Variants in MGST1 observed in about 807,000 individuals in gnomAD.
The protein encoded by MGST1 is microsomal glutathione S-transferase 1, also known as glutathione S-transferase 12.
A neutral mutation model predicts 8.9 loss-of-function variants in MGST1; 5 were observed. The ratio of observed to expected loss-of-function variants is 0.56; its 90% CI spans 0.29 to 1.19. The LOEUF (loss-of-function observed/expected upper bound fraction) is 1.19. Ranked by LOEUF, MGST1 falls within the 50% of genes most tolerant of loss-of-function variation. MGST1 has a pLI of 0.08. For synonymous variants in MGST1, 54 were observed against 67.8 expected (o/e 0.80, Z 1.00); for missense variants, 182 against 187.4 (o/e 0.97, Z 0.17).
chr12:16,459,521 C>A (rs565750529), intron 4 of MGST1, among the ~76,000 whole-genome samples: 1 of 152,074 alleles, frequency 6.6e-6, no homozygotes, highest in Admixed American at 6.6e-5. Flanking sequence ...ATGGATCCTG[C>A]AGCCCTTTAT....
At chr12:16,380,134 T>C (rs1045574846), downstream of MGST1, among the ~76,000 whole-genome samples, 9 of 152,218 alleles carry the variant, frequency 5.9e-5, no homozygotes, top group African/African-American at 2.2e-4. Flanking sequence ...TTTGTGTCTC[T>C]ATTTCCTTCA....
chr12:16,553,350 T>C (rs1216983162), intron 4 of MGST1, among the ~76,000 whole-genome samples: 2 of 152,122 alleles, frequency 1.3e-5, no homozygotes, highest in African/African-American at 2.4e-5. Context: ...ACAAGAATAA[T>C]GTGAAGATTA....
chr12:16,504,033 C>T (rs2137171175), intron 4 of MGST1, among the ~76,000 whole-genome samples: 1 of 152,264 alleles, frequency 6.6e-6, no homozygotes, highest in Admixed American at 6.5e-5. Context: ...CTGGGAGAAA[C>T]CAAAAGCCCT....
intron 4 of MGST1, among the ~76,000 whole-genome samples, chr12:16,574,158 G>C (rs180904585): frequency 2.0e-5 from 3 of 152,040 alleles, no homozygotes; most frequent in Non-Finnish European, 2.9e-5. Flanking sequence ...CCAAGACCCA[G>C]AGTAAGTTAG....
intron 4 of MGST1, among the ~76,000 whole-genome samples, chr12:16,450,418 A>T (rs1941119508): frequency 6.6e-6 from 1 of 151,950 alleles, no homozygotes; most frequent in African/African-American, 2.4e-5. Context: ...TTCCTTGGGA[A>T]AATGAGCCAC....
intron 4 of MGST1, among the ~76,000 whole-genome samples, chr12:16,528,015 G>A (rs1274230487): frequency 6.6e-6 from 1 of 152,028 alleles, no homozygotes; most frequent in African/African-American, 2.4e-5. Flanking sequence ...TTTAAATCCA[G>A]ATCTGTTGAT....
chr12:16,402,249 C>T, intron 1 of MGST1: 7 of 1,588,410 alleles, frequency 4.4e-6, no homozygotes, highest in South Asian at 3.3e-5. Flanking sequence ...TAGTTCATAA[C>T]CAAAGAGCCA....
intron 4 of MGST1, among the ~76,000 whole-genome samples, chr12:16,574,158 G>A (rs180904585): frequency 7.0e-4 from 107 of 152,158 alleles, no homozygotes; most frequent in Non-Finnish European, 1.3e-3. Flanking sequence ...CCAAGACCCA[G>A]AGTAAGTTAG....
intron 1 of MGST1, among the ~76,000 whole-genome samples, chr12:16,414,727 T>C (rs953534785): frequency 6.6e-6 from 1 of 152,136 alleles, no homozygotes; most frequent in Non-Finnish European, 1.5e-5. Flanking sequence ...GGTGGTTATT[T>C]TAAAAATATT....
At chr12:16,487,835 T>A (rs1252324882) in intron 4 of MGST1, among the ~76,000 whole-genome samples, 1 of 152,174 alleles carries the variant, frequency 6.6e-6, no homozygotes, top group Non-Finnish European at 1.5e-5. Context: ...TCTTTTGTTT[T>A]GCAGAGATGG....
At chr12:16,524,199 C>A (rs2137193191) in intron 4 of MGST1, among the ~76,000 whole-genome samples, 1 of 152,060 alleles carries the variant, frequency 6.6e-6, no homozygotes, top group East Asian at 1.9e-4. Context: ...CTTTCTGTGC[C>A]ACAGAATATA....
intron 4 of MGST1, among the ~76,000 whole-genome samples, chr12:16,491,014 A>G (rs1193148474): frequency 6.6e-6 from 1 of 152,118 alleles, no homozygotes; most frequent in East Asian, 1.9e-4. Context: ...CTTACTCTTT[A>G]CTCATTGGGC....
chr12:16,535,228 T>C (rs1228124623), intron 4 of MGST1, among the ~76,000 whole-genome samples: 1 of 152,174 alleles, frequency 6.6e-6, no homozygotes, highest in East Asian at 1.9e-4. Context: ...CACCCTAGGG[T>C]GGGATCCAAA....
chr12:16,483,290 G>A (rs940607114), intron 4 of MGST1, among the ~76,000 whole-genome samples: 1 of 151,860 alleles, frequency 6.6e-6, no homozygotes, highest in Admixed American at 6.6e-5. Flanking sequence ...ATCCTGATGT[G>A]CCCTTAATAA....
chr12:16,425,830 C>A lies in MGST1; in HGVS notation n.779-11558C>A, dbSNP rs184281641. Among the ~76,000 whole-genome samples the A allele has an allele frequency of 7.9e-5, 12 of 152,318 alleles. No individual in the cohort carries two copies. The East Asian group carries it at 1.7e-3, about 22-fold the overall frequency. On this transcript the variant is annotated intron_variant and non_coding_transcript_variant, in intron 1 of 1. Transcript: ENST00000359720. ...TTTCCCCAAGCCCTTTCTCAATACC[C>A]CATTTTCTATTCACACAAGTGTGAA...
intron 4 of MGST1, among the ~76,000 whole-genome samples, chr12:16,562,225 A>C (rs1159148585): frequency 6.6e-6 from 1 of 152,142 alleles, no homozygotes; most frequent in Non-Finnish European, 1.5e-5. Flanking sequence ...TTTATTTTTC[A>C]GTGTACTTAA....
At position 16,560,486 on chromosome 12, in the gene MGST1, A is replaced by C. The variant is rs1264025250; in HGVS notation, n.483-29042A>C. The stretch of plus-strand genomic sequence containing the variant: ...TCCTTGGCACGCATCACCATCTCAA[A>C]GGCAGGGATGAGCTTACTACAGGCA... On this transcript the variant is annotated intron_variant and non_coding_transcript_variant, in intron 4 of 4. Coordinates refer to the MGST1 transcript ENST00000538857. The surrounding 1 kb of genome is among the most constrained non-coding windows in gnomAD (Gnocchi z 5.0). 6.2e-7 allele frequency: 1 copy of C among 1,613,992 alleles called. No homozygotes were observed.
At chr12:16,397,021 C>G (rs983192766) in intron 1 of MGST1, among the ~76,000 whole-genome samples, 7 of 152,114 alleles carry the variant, frequency 4.6e-5, no homozygotes, top group African/African-American at 1.7e-4. Flanking sequence ...TACCTGATTT[C>G]AAACTATACT....
chr12:16,436,398 G>T (rs187735815), intron 1 of MGST1, among the ~76,000 whole-genome samples: 1 of 151,808 alleles, frequency 6.6e-6, no homozygotes, highest in Admixed American at 6.6e-5. Flanking sequence ...GGTGAAACAA[G>T]GTGTTCTTGC....
Sources: allele counts gnomAD v4.1 joint callset (sites outside exome capture counted in the v4.1 genomes callset), GRCh38; gene constraint gnomAD v4.1.1; non-coding constraint Gnocchi (gnomAD v3.1); transcripts MANE v1.5; gene names NCBI Gene and HGNC (gene_info 2026-07-23, HGNC 2026-07-21).